ANKS1B: variants seen among roughly 807,000 people sequenced by gnomAD.
ANKS1B encodes the protein ankyrin repeat and sterile alpha motif domain-containing protein 1B.
Under a neutral mutation model 148.3 loss-of-function variants are expected in ANKS1B, and 36 were observed. The ratio of observed to expected loss-of-function variants is 0.24; its 90% CI spans 0.19 to 0.32. The LOEUF is 0.32. Among genes scored for constraint, ANKS1B ranks in the 10% least tolerant of loss-of-function variants. ANKS1B has a pLI of 1.00. For missense variants in ANKS1B, 1,157 were observed against 1,542.6 expected (o/e 0.75, Z 4.19); for synonymous variants, 542 against 560.8 (o/e 0.97, Z 0.47).
At chr12:99,057,345 C>T (rs1015417443) in intron 16 of ANKS1B, among the ~76,000 whole-genome samples, 12 of 152,082 alleles carry the variant, frequency 7.9e-5, no homozygotes, top group African/African-American at 2.9e-4. Flanking sequence ...TCTTTTCTCC[C>T]CATTGCCCTA....
intron 2 of ANKS1B, among the ~76,000 whole-genome samples, chr12:99,814,491 C>T (rs2068848072): frequency 6.6e-6 from 1 of 151,736 alleles, no homozygotes; most frequent in South Asian, 2.1e-4. Context: ...TAAAGGTTAT[C>T]CAGTTCACAC....
intron 17 of ANKS1B, among the ~76,000 whole-genome samples, chr12:98,904,612 C>A (rs2099776469): frequency 6.6e-6 from 1 of 152,254 alleles, no homozygotes. Flanking sequence ...TCCCTTCTCT[C>A]CTCCTGCCAG....
At chr12:99,291,868 T>C (rs1428937324) in intron 12 of ANKS1B, among the ~76,000 whole-genome samples, 1 of 152,204 alleles carries the variant, frequency 6.6e-6, no homozygotes, top group East Asian at 1.9e-4. Flanking sequence ...TCTACAGCCA[T>C]CTTATCTTTG....
At chr12:99,933,048 C>A (rs990455719) in intron 1 of ANKS1B, among the ~76,000 whole-genome samples, 1 of 152,048 alleles carries the variant, frequency 6.6e-6, no homozygotes, top group Admixed American at 6.6e-5. Context: ...CGTTCTGGCA[C>A]CTTTGTCAAA....
chr12:99,195,906 A>G (rs936068956), intron 14 of ANKS1B, among the ~76,000 whole-genome samples: 4 of 152,172 alleles, frequency 2.6e-5, no homozygotes, highest in Non-Finnish European at 5.9e-5. Flanking sequence ...TTAAAAAATT[A>G]ATCTAACATA....
At position 98,751,158 on chromosome 12, in the gene ANKS1B, G is replaced by T. The variant is rs2098080657; in HGVS notation, c.3747+197C>A. ...AAGTGGATTTCTCTGGAGGCTCCAG[G>T]TTGAGGGAGATGGTGCCCAAGACTT... is the stretch of plus-strand genomic sequence containing the variant. On this transcript the variant is annotated intron_variant, in intron 26 of 26. Transcript: ENST00000683438. The surrounding 1 kb of genome is among the most constrained non-coding windows in gnomAD (Gnocchi z 4.3). Among the ~76,000 whole-genome samples, 1 of 152,222 alleles carries T rather than the reference G, an allele frequency of 6.6e-6. No individual in the cohort carries two copies. Among genetic ancestry groups the T allele is most frequent in the Non-Finnish European group, 1.5e-5 (1 of 68,042 alleles).
chr12:99,469,492 G>C (rs1488296942), intron 10 of ANKS1B, among the ~76,000 whole-genome samples: 2 of 151,896 alleles, frequency 1.3e-5, no homozygotes, highest in African/African-American at 4.8e-5. Flanking sequence ...ACCTCATTAT[G>C]ATTTCTTTCA....
At chr12:99,385,041 C>G (rs1255044465) in intron 12 of ANKS1B, among the ~76,000 whole-genome samples, 1 of 146,682 alleles carries the variant, frequency 6.8e-6, no homozygotes, top group Non-Finnish European at 1.5e-5. Context: ...TTATAAACAG[C>G]AATAATTGAG....
At chr12:99,575,155 C>T (rs2097503678) in intron 9 of ANKS1B, among the ~76,000 whole-genome samples, 1 of 152,044 alleles carries the variant, frequency 6.6e-6, no homozygotes, top group African/African-American at 2.4e-5. Context: ...AGAGGCATGT[C>T]AAATGCAAGG....
At chr12:99,563,304 T>C (rs1429150991) in intron 9 of ANKS1B, among the ~76,000 whole-genome samples, 10 of 152,342 alleles carry the variant, frequency 6.6e-5, no homozygotes, top group South Asian at 6.2e-4. Flanking sequence ...TGGCTTTCAA[T>C]ATGCCTTCCT....
chr12:98,865,338 T>C (rs750385335), intron 17 of ANKS1B, among the ~76,000 whole-genome samples: 1 of 152,214 alleles, frequency 6.6e-6, no homozygotes, highest in Non-Finnish European at 1.5e-5. Context: ...TCCCCATTCA[T>C]CTGCCCAAGC....
At chr12:99,316,569 GCC>G in intron 12 of ANKS1B, among the ~76,000 whole-genome samples, 1 of 152,058 alleles carries the variant, frequency 6.6e-6, no homozygotes, top group South Asian at 2.1e-4. Context: ...CTGGATATTA[GCC>G]CTTTGTCAGA....
chr12:99,482,386 T>C (rs1335120033), intron 10 of ANKS1B, among the ~76,000 whole-genome samples: 4 of 152,136 alleles, frequency 2.6e-5, no homozygotes, highest in Non-Finnish European at 5.9e-5. Context: ...CATTTGTCTA[T>C]GTGCCTACTT....
At chr12:99,743,747 CA>C (rs1433208457) in intron 8 of ANKS1B, among the ~76,000 whole-genome samples, 1 of 152,156 alleles carries the variant, frequency 6.6e-6, no homozygotes, top group East Asian at 1.9e-4. Context: ...TCGTCTCTAA[CA>C]GATGTATTCT....
At position 98,953,537 on chromosome 12, in the gene ANKS1B, G is replaced by GTT. The variant is rs1166158783; in HGVS notation, c.2778+99618_2778+99619dup. Among the ~76,000 whole-genome samples the GTT allele has an allele frequency of 5.2e-3, 301 of 57,462 alleles. 69 individuals are homozygous for GTT. Among genetic ancestry groups the GTT allele is most frequent in the East Asian group, 0.012 (18 of 1,562 alleles). 37.7% of individuals were successfully genotyped at this position (57,462 alleles called of 152,430 possible). A position where few individuals can be genotyped will look rare whatever the true frequency, so the allele number is the denominator to read the frequency against. On this transcript the variant is annotated intron_variant, in intron 17 of 26. Transcript: ENST00000683438. ...CATGTCCATTTGAGAATCTAGAGTG[G>GTT]TTTTTTTTTTTTTTTTTTTTTTTTT...
At chr12:99,568,650 A>G (rs2097421992) in intron 9 of ANKS1B, among the ~76,000 whole-genome samples, 1 of 152,362 alleles carries the variant, frequency 6.6e-6, no homozygotes, top group South Asian at 2.1e-4. Flanking sequence ...CTCTGACAAA[A>G]TCAACAGAGG....
intron 12 of ANKS1B, among the ~76,000 whole-genome samples, chr12:99,281,830 G>A (rs2078499260): frequency 6.6e-6 from 1 of 152,180 alleles, no homozygotes. Flanking sequence ...TTAAACAAGT[G>A]TGTACTGAGA....
At chr12:99,652,053 C>CATAAAACATGTTTACAT (rs2098423440) in intron 9 of ANKS1B, among the ~76,000 whole-genome samples, 1 of 148,072 alleles carries the variant, frequency 6.8e-6, no homozygotes, top group Admixed American at 6.9e-5. Context: ...GTTATATATA[C>CATAAAACATGTTTACAT]ATAAAACATG....
chr12:99,002,433 T>C (rs1455236393), intron 17 of ANKS1B, among the ~76,000 whole-genome samples: 3 of 152,132 alleles, frequency 2.0e-5, no homozygotes, highest in Non-Finnish European at 4.4e-5. Flanking sequence ...ATGCATACAT[T>C]GTAAAATGAT....
Sources: gnomAD v4.1 joint callset for allele counts (sites outside exome capture counted in the v4.1 genomes callset) on GRCh38, gnomAD v4.1.1 for gene constraint, Gnocchi (gnomAD v3.1) non-coding constraint, MANE v1.5 for transcripts, NCBI Gene and HGNC (gene_info 2026-07-23, HGNC 2026-07-21) for gene names.